ANKK1: variants seen among roughly 807,000 people sequenced by gnomAD.
ANKK1 encodes the protein ankyrin repeat and kinase domain containing 1, also known as ankyrin repeat and protein kinase domain-containing protein 1.
ANKK1 carries 37 observed loss-of-function variants against 37.6 expected under a neutral mutation model. That is an observed-to-expected ratio of 0.98 (90% CI 0.76 to 1.29). The LOEUF (loss-of-function observed/expected upper bound fraction) is 1.29, where lower values mean the gene tolerates loss of function less well. ANKK1 is among the 50% of genes most tolerant of loss of function. The pLI, the probability that ANKK1 is intolerant of heterozygous loss-of-function variation, is 0.00. For synonymous variants in ANKK1, 415 were observed against 418.7 expected, an observed-to-expected ratio of 0.99 and a Z score of 0.11; for missense variants, 1,019 against 990.6, an observed-to-expected ratio of 1.03 and a Z score of -0.39.
chr11:113,392,009 C>T (rs927792574), intron 1 of ANKK1, among the ~76,000 whole-genome samples: 3 of 152,090 alleles, frequency 2.0e-5, no homozygotes, highest in African/African-American at 7.2e-5. Flanking sequence ...CTGTTGGTGA[C>T]CTTAGCCACA....
rs1950610196 is a variant in ANKK1 at position 113,393,718 on chromosome 11, G to A, written c.423G>A (p.Leu141=). ...MNFLHSIKPP[L]LHLDLKPGNI... is the part of the protein sequence containing the mutation. Reference sequence around the variant, plus strand: ...TCCTGCACAGCATTAAGCCGCCTCTGCTCCACCTGGACCTCAAGCCGGGCA... The same window carrying A: ...TCCTGCACAGCATTAAGCCGCCTCTACTCCACCTGGACCTCAAGCCGGGCA... Residue 141 remains leucine, a synonymous_variant, in exon 2 of 8, where the codon CTG becomes CTA. Coordinates refer to ENST00000303941, the MANE Select transcript of ANKK1 (RefSeq NM_178510.2). 2 of 1,613,382 alleles carry A rather than the reference G, an allele frequency of 1.2e-6. No individual in the cohort carries two copies. The highest frequency in any genetic ancestry group is 1.1e-5 in the South Asian group (1 of 91,078).
chr11:113,397,819 C>G (rs1950651421), intron 6 of ANKK1, among the ~76,000 whole-genome samples, 161 bp from the exon 7 acceptor site: 1 of 152,190 alleles, frequency 6.6e-6, no homozygotes, highest in Non-Finnish European at 1.5e-5. Flanking sequence ...CTCTAGACAG[C>G]TGGGGATAGT....
At position 113,400,088 on chromosome 11, in the gene ANKK1, A is replaced by T; in HGVS notation, c.2119A>T (p.Ile707Phe). 3.1e-6 allele frequency: 5 copies of T among 1,613,476 alleles called. No individual in the cohort carries two copies. Among genetic ancestry groups the T allele is most frequent in the African/African-American group, 1.3e-5 (1 of 75,066 alleles). Residue 707 changes from isoleucine (I) to phenylalanine (F), a missense_variant, in exon 8 of 8, where the codon ATC (isoleucine) becomes TTC (phenylalanine). Transcript: ENST00000303941. ...GGCCGCCCTCAAGGGCAACACAGCC[A>T]TCCTCAAAGTGCTGGTCGAGGCAGG... ...HLAALKGNTA[I>F]LKVLVEAGAQ...
At position 113,399,743 on chromosome 11, in the gene ANKK1, C is replaced by A. The variant is rs1324078339; in HGVS notation, c.1774C>A (p.Gln592Lys). The A allele has an allele frequency of 3.1e-6, 5 of 1,602,724 alleles. No homozygotes were observed. In the South Asian group the frequency reaches 3.4e-5, roughly 11 times the overall value. The change falls in exon 8 of 8, where the codon CAG becomes AAG. Residue 592 changes from glutamine to lysine, a missense_variant. Physicochemically the swap from Gln to Lys is moderately conservative, Grantham distance 53. Transcript: ENST00000303941. ...YGASLELPTH[Q>K]GWTPLHLAAY... ...AGCCAGCCTTGAGCTGCCCACCCAC[C>A]AGGGCTGGACACCCCTGCATCTAGC...
chr11:113,389,478 A>G (rs1196042326), intron 1 of ANKK1, among the ~76,000 whole-genome samples: 1 of 152,204 alleles, frequency 6.6e-6, no homozygotes, highest in African/African-American at 2.4e-5. Context: ...AATGCAACAG[A>G]TGTGTCCTTT....
chr11:113,396,337 A>G (rs1950639169), intron 5 of ANKK1, 115 bp downstream of exon 5: 1 of 1,290,296 alleles, frequency 7.8e-7, no homozygotes, highest in Non-Finnish European at 1.0e-6. Flanking sequence ...TACGGCCTAG[A>G]AGGACTTTTT....
chr11:113,392,966 A>G (rs1950599672), intron 1 of ANKK1, among the ~76,000 whole-genome samples: 1 of 152,224 alleles, frequency 6.6e-6, no homozygotes, highest in Admixed American at 6.5e-5. Flanking sequence ...AAAAGGATAT[A>G]CTAAAATATC....
intron 1 of ANKK1, among the ~76,000 whole-genome samples, chr11:113,389,909 T>C (rs971877799): frequency 2.0e-5 from 3 of 152,038 alleles, no homozygotes; most frequent in African/African-American, 7.2e-5. Flanking sequence ...GGAGAATGCA[T>C]TGGGAGGGGT....
intron 7 of ANKK1, 25 bp downstream of exon 7, chr11:113,398,041 AC>A: frequency 6.4e-7 from 1 of 1,562,294 alleles, no homozygotes. Flanking sequence ...CACGGGCGGG[AC>A]CAGAGAACTC....
rs552899614 is a variant in ANKK1 at position 113,397,396 on chromosome 11, T to C, written c.957+54T>C. The C allele has an allele frequency of 7.0e-6, 10 of 1,438,198 alleles. No individual in the cohort carries two copies. In the Admixed American group the frequency reaches 1.5e-4, roughly 21 times the overall value. The allele number at this position is 1,438,198 out of a possible 1,614,324, so 89.1% of individuals were successfully genotyped here. The stretch of plus-strand genomic sequence containing the variant: ...GGTCATGCTAAGCTGGAGCCCGCTG[T>C]GTGGACTGTTGTGATCTCTGGCCAG... On this transcript the variant is annotated intron_variant, in intron 6 of 7. Transcript: ENST00000303941.
At chr11:113,392,227 G>A (rs367834536) in intron 1 of ANKK1, among the ~76,000 whole-genome samples, 8 of 152,206 alleles carry the variant, frequency 5.3e-5, no homozygotes, top group Non-Finnish European at 8.8e-5. Context: ...AGATAATAAC[G>A]GGTGAAACTG....
intron 7 of ANKK1, 99 bp downstream of exon 7, chr11:113,398,115 C>G: frequency 7.3e-7 from 1 of 1,379,118 alleles, no homozygotes; most frequent in Non-Finnish European, 1.0e-6. Flanking sequence ...CCCCTCATCC[C>G]CAGGCCTATC....
intron 1 of ANKK1, among the ~76,000 whole-genome samples, chr11:113,392,254 CA>C (rs1363484973): frequency 4.6e-5 from 7 of 152,210 alleles, no homozygotes; most frequent in African/African-American, 1.7e-4. Flanking sequence ...GAAATCAGGG[CA>C]GTGTGATTCC....
At chr11:113,388,212 A>T in intron 1 of ANKK1, 143 bp downstream of exon 1, 1 of 1,139,468 alleles carries the variant, frequency 8.8e-7, no homozygotes, top group Non-Finnish European at 1.2e-6. Context: ...TCCACCCAGT[A>T]GCCTGAGCCT....
rs930838976 is a variant in ANKK1 at position 113,396,113 on chromosome 11, G to A, written c.729G>A (p.Arg243=). The change falls in exon 5 of 8, where the codon CGG becomes CGA. Residue 243 remains arginine, a synonymous_variant. Transcript: ENST00000303941. ...TTATCCGAGTGGCGGCAGGCATGCG[G>A]CCCTCCCTACAGCCTGTCTCTGACC... ...MIIIRVAAGM[R]PSLQPVSDQW... 1.2e-6 allele frequency: 2 copies of A among 1,613,980 alleles called. No individual in the cohort carries two copies. Among genetic ancestry groups the A allele is most frequent in the Non-Finnish European group, 1.7e-6 (2 of 1,179,894 alleles).
At chr11:113,388,918 T>G (rs1429977599) in intron 1 of ANKK1, among the ~76,000 whole-genome samples, 1 of 152,198 alleles carries the variant, frequency 6.6e-6, no homozygotes, top group Admixed American at 6.5e-5. Flanking sequence ...GGGACATCAA[T>G]TAGAGAGTCC....
At chr11:113,393,172 A>G (rs538704036) in intron 1 of ANKK1, among the ~76,000 whole-genome samples, 45 of 152,326 alleles carry the variant, frequency 3.0e-4, no homozygotes, top group Non-Finnish European at 5.3e-4. Context: ...GGGGAGATAA[A>G]CATAGAAACA....
At position 113,399,797 on chromosome 11, in the gene ANKK1, C is replaced by G. The variant is rs757386062; in HGVS notation, c.1828C>G (p.His610Asp). Reference sequence around the variant, plus strand: ...CTACAAGGGCCACCTGGAGATCATCCATCTGCTGGCAGAGAGCCACGCAAA... The same window carrying G: ...CTACAAGGGCCACCTGGAGATCATCGATCTGCTGGCAGAGAGCCACGCAAA... ...AAYKGHLEII[H>D]LLAESHANMG... The change falls in exon 8 of 8, where the codon CAT becomes GAT. Residue 610 changes from histidine to aspartate, a missense_variant. His to Asp is a moderately conservative substitution (Grantham distance 81). Coordinates refer to ENST00000303941, the MANE Select transcript of ANKK1 (RefSeq NM_178510.2). 1 of 1,602,830 alleles carries G rather than the reference C, an allele frequency of 6.2e-7. No individual in the cohort carries two copies. The highest frequency in any genetic ancestry group is 1.3e-5 in the African/African-American group (1 of 74,658).
At chr11:113,392,490 C>A (rs1950595467) in intron 1 of ANKK1, among the ~76,000 whole-genome samples, 1 of 152,228 alleles carries the variant, frequency 6.6e-6, no homozygotes, top group African/African-American at 2.4e-5. Flanking sequence ...CCCAGGGAGA[C>A]CCCGGGAGCA....
Sources: gnomAD v4.1 joint callset for allele counts (sites outside exome capture counted in the v4.1 genomes callset) on GRCh38, gnomAD v4.1.1 for gene constraint, MANE v1.5 for transcripts, NCBI Gene and HGNC (gene_info 2026-07-23, HGNC 2026-07-21) for gene names.